LRIF1: variants seen among roughly 807,000 people sequenced by gnomAD.
The protein encoded by LRIF1 is ligand dependent nuclear receptor interacting factor 1.
In LRIF1, 32 loss-of-function variants were observed where a neutral mutation model predicts 52.7. The ratio of observed to expected loss-of-function variants is 0.61; its 90% CI spans 0.46 to 0.82. The LOEUF is 0.82. LRIF1 is among the 40% of genes least tolerant of loss of function. LRIF1 has a pLI of 0.00. For missense variants in LRIF1, 887 were observed against 892.0 expected, an observed-to-expected ratio of 0.99 and a Z score of 0.07; for synonymous variants, 323 against 317.4, an observed-to-expected ratio of 1.02 and a Z score of -0.19.
chr1:110,898,024 G>T, the LRIF1 span: 1 of 505,474 alleles, frequency 2.0e-6, no homozygotes, highest in Non-Finnish European at 3.5e-6. Context: ...AATTCCCCCA[G>T]CCAAGTAGCA....
chr1:110,895,939 A>C, the LRIF1 span, among the ~76,000 whole-genome samples: 204 of 152,276 alleles, frequency 1.3e-3, no homozygotes, highest in African/African-American at 4.7e-3. Flanking sequence ...AAATTTTATA[A>C]TTTCTTAATA....
At chr1:110,880,821 C>T in the LRIF1 span, among the ~76,000 whole-genome samples, 1 of 152,082 alleles carries the variant, frequency 6.6e-6, no homozygotes, top group African/African-American at 2.4e-5. Context: ...AGTACAATGG[C>T]AGAGGTACAC....
downstream of LRIF1, chr1:110,943,967 G>A (rs1231693249): frequency 6.6e-6 from 1 of 152,190 alleles, no homozygotes; most frequent in Non-Finnish European, 1.5e-5. Flanking sequence ...CTAGTCCTCA[G>A]ATAGTGGTTC....
chr1:110,946,952 C>A (rs1215845964), downstream of LRIF1, among the ~76,000 whole-genome samples: 1 of 151,946 alleles, frequency 6.6e-6, no homozygotes, highest in African/African-American at 2.4e-5. Context: ...CCACTGCACC[C>A]GGCCTGATCA....
chr1:110,878,497 G>A, the LRIF1 span, among the ~76,000 whole-genome samples: 11 of 152,208 alleles, frequency 7.2e-5, no homozygotes, highest in Admixed American at 3.3e-4. Flanking sequence ...GTTATCTCTG[G>A]GAGGTGGGAT....
At chr1:110,901,052 T>TA in the LRIF1 span, among the ~76,000 whole-genome samples, 1 of 152,168 alleles carries the variant, frequency 6.6e-6, no homozygotes, top group Non-Finnish European at 1.5e-5. Context: ...CCTCTCCTTT[T>TA]AAAAAAATTA....
the LRIF1 span, among the ~76,000 whole-genome samples, chr1:110,885,644 C>T: frequency 6.6e-6 from 1 of 152,060 alleles, no homozygotes; most frequent in Non-Finnish European, 1.5e-5. Flanking sequence ...AGGCAGATCA[C>T]CTGAGGTCAG....
the LRIF1 span, chr1:110,892,490 G>A: frequency 1.2e-6 from 2 of 1,613,994 alleles, no homozygotes; most frequent in African/African-American, 2.7e-5. Flanking sequence ...GCCTTCCTGG[G>A]CTGCATGGGC....
chr1:110,916,406 T>C, the LRIF1 span, among the ~76,000 whole-genome samples: 1 of 152,114 alleles, frequency 6.6e-6, no homozygotes, highest in African/African-American at 2.4e-5. Flanking sequence ...ATATTAAATA[T>C]GTGTGGTTAC....
the LRIF1 span, among the ~76,000 whole-genome samples, chr1:110,883,187 C>CTA: frequency 3.3e-5 from 5 of 151,910 alleles, no homozygotes; most frequent in East Asian, 9.6e-4. Context: ...GTTCTTAATT[C>CTA]TATGCCCTTC....
chr1:110,929,847 T>C, the LRIF1 span, among the ~76,000 whole-genome samples: 1 of 152,020 alleles, frequency 6.6e-6, no homozygotes, highest in Non-Finnish European at 1.5e-5. Context: ...CAACAGATAC[T>C]GGGGCCTACC....
the LRIF1 span, among the ~76,000 whole-genome samples, chr1:110,887,103 A>T: frequency 1.3e-5 from 2 of 148,806 alleles, no homozygotes; most frequent in South Asian, 4.2e-4. Context: ...TCGCTCTGTC[A>T]CCCAGGCTGT....
the LRIF1 span, among the ~76,000 whole-genome samples, chr1:110,880,039 T>C: frequency 3.3e-5 from 5 of 152,310 alleles, no homozygotes; most frequent in East Asian, 5.8e-4. Flanking sequence ...AAGAGCAAAG[T>C]TGATCCCTAA....
the LRIF1 span, among the ~76,000 whole-genome samples, chr1:110,905,642 A>G: frequency 6.6e-6 from 1 of 152,230 alleles, no homozygotes; most frequent in Admixed American, 6.5e-5. Context: ...TAAAGGGAGT[A>G]CTTCAAACAG....
Position 110,951,686 on chromosome 1 carries a change from T to G in LRIF1, c.1198A>C (p.Ser400Arg), listed in dbSNP as rs923226158. ...GATATTTCTGTGACTGGACTTGAAC[T>G]CACTGTCTGTAACGTGTCTTTTCTT... ...PVRKDTLQTVSSSPVTEISRE... is the reference protein window; with the variant it reads ...PVRKDTLQTVRSSPVTEISRE... The change falls in exon 2 of 4, where the codon AGT (serine) becomes CGT (arginine). Residue 400 changes from serine to arginine, a missense_variant. Physicochemically the swap from Ser to Arg is moderately radical, Grantham distance 110 (BLOSUM62 -1). Coordinates refer to ENST00000369763, the MANE Select transcript of LRIF1 (RefSeq NM_018372.4). The G allele has an allele frequency of 1.2e-6, 2 of 1,614,102 alleles. No homozygotes were observed. Among genetic ancestry groups the G allele is most frequent in the Non-Finnish European group, 1.7e-6 (2 of 1,180,020 alleles).
the LRIF1 span, among the ~76,000 whole-genome samples, chr1:110,917,950 A>T: frequency 1.0e-5 from 1 of 96,490 alleles, no homozygotes; most frequent in African/African-American, 4.7e-5. Context: ...AATTAAAAAC[A>T]TTAGTTTTAA....
chr1:110,957,349 T>C (rs1169775249), intron 1 of LRIF1, among the ~76,000 whole-genome samples: 1 of 148,846 alleles, frequency 6.7e-6, no homozygotes, highest in Non-Finnish European at 1.5e-5. Context: ...AGCAAGCGCC[T>C]GTAGTCCCAG....
the LRIF1 span, chr1:110,940,943 A>C: frequency 6.6e-6 from 1 of 152,210 alleles, no homozygotes; most frequent in Admixed American, 6.5e-5. Flanking sequence ...GTCAACAATA[A>C]GTTGATTGAA....
At chr1:110,942,399 CTGTG>C (rs1658114888), downstream of LRIF1, 1 of 151,980 alleles carries the variant, frequency 6.6e-6, no homozygotes, top group Non-Finnish European at 1.5e-5. Flanking sequence ...TGAATTTTCT[CTGTG>C]TATGTTTCGT....
Sources: allele counts gnomAD v4.1 joint callset (sites outside exome capture counted in the v4.1 genomes callset), GRCh38; gene constraint gnomAD v4.1.1; transcripts MANE v1.5; gene names NCBI Gene and HGNC (gene_info 2026-07-23, HGNC 2026-07-21).